The following ANO2 variants were observed in gnomAD, a reference collection of about 807,000 sequenced individuals.
ANO2 encodes anoctamin 2.
Under a neutral mutation model 124.2 loss-of-function variants are expected in ANO2, and 101 were observed. That is an observed-to-expected ratio of 0.81 (90% confidence interval 0.69 to 0.96). The LOEUF is 0.96. ANO2 is among the 40% of genes least tolerant of loss of function. The pLI is 0.00. For missense variants in ANO2, 1,293 were observed against 1,274.5 expected (o/e 1.01, Z -0.22); for synonymous variants, 486 against 482.5 (o/e 1.01, Z -0.09).
chr12:5,752,483 C>G (rs948868858), intron 10 of ANO2, among the ~76,000 whole-genome samples: 1 of 152,136 alleles, frequency 6.6e-6, no homozygotes, highest in Non-Finnish European at 1.5e-5. Context: ...TTCTCCTATA[C>G]CTGTTGGTCA....
chr12:5,659,544 T>C (rs1947340148), intron 14 of ANO2, among the ~76,000 whole-genome samples: 1 of 152,218 alleles, frequency 6.6e-6, no homozygotes. Context: ...AAGGCAGTCA[T>C]GTGGCACAGC....
chr12:5,714,867 C>G (rs1376909032), intron 14 of ANO2, among the ~76,000 whole-genome samples: 1 of 152,136 alleles, frequency 6.6e-6, no homozygotes, highest in Non-Finnish European at 1.5e-5. Flanking sequence ...ATTCCAAATT[C>G]AAAGAGCCCT....
chr12:5,616,239 G>A (rs1944801724), intron 16 of ANO2, among the ~76,000 whole-genome samples: 1 of 152,218 alleles, frequency 6.6e-6, no homozygotes, highest in Non-Finnish European at 1.5e-5. Flanking sequence ...AAATTCTGGA[G>A]GTTTGCAAGT....
chr12:5,915,418 G>A (rs1377417515), intron 3 of ANO2, among the ~76,000 whole-genome samples: 1 of 152,104 alleles, frequency 6.6e-6, no homozygotes, highest in African/African-American at 2.4e-5. Context: ...CCTGTCAAAA[G>A]CATGCCCAGG....
chr12:5,578,555 C>A (rs763537417), intron 20 of ANO2, 37 bp from the exon 21 acceptor site: 25 of 1,595,964 alleles, frequency 1.6e-5, no homozygotes, highest in Non-Finnish European at 2.0e-5. Context: ...TCAGCAGGAA[C>A]AAGCAGGACT....
chr12:5,812,483 A>G (rs1160299639), intron 7 of ANO2, among the ~76,000 whole-genome samples: 1 of 92,098 alleles, frequency 1.1e-5, no homozygotes, highest in African/African-American at 4.3e-5. Flanking sequence ...GGAGGAAGGA[A>G]GGAAGGAAGG....
intron 3 of ANO2, among the ~76,000 whole-genome samples, chr12:5,876,851 T>A (rs1376505296): frequency 6.6e-6 from 1 of 152,112 alleles, no homozygotes; most frequent in Non-Finnish European, 1.5e-5. Context: ...AGGGGAGGGA[T>A]AGCATTAGGA....
chr12:5,915,327 A>G (rs1233902855), intron 3 of ANO2, among the ~76,000 whole-genome samples: 2 of 152,374 alleles, frequency 1.3e-5, no homozygotes, highest in East Asian at 3.9e-4. Context: ...AAATATGAAC[A>G]TGGACAATAT....
At chr12:5,934,129 CT>C (rs1337228096) in intron 1 of ANO2, among the ~76,000 whole-genome samples, 10 of 152,188 alleles carry the variant, frequency 6.6e-5, no homozygotes, top group Admixed American at 5.2e-4. Flanking sequence ...GTTTTAAACA[CT>C]TTACATGTAT....
intron 3 of ANO2, among the ~76,000 whole-genome samples, chr12:5,890,546 C>G (rs531121940): frequency 6.6e-6 from 1 of 152,258 alleles, no homozygotes; most frequent in African/African-American, 2.4e-5. Context: ...CTTGCCAAGC[C>G]CTGTGTTAGG....
intron 4 of ANO2, among the ~76,000 whole-genome samples, chr12:5,847,583 G>A (rs576828031): frequency 1.3e-5 from 2 of 152,184 alleles, no homozygotes; most frequent in East Asian, 1.9e-4. Flanking sequence ...CCCTCAGGCC[G>A]GGCGAGCACC....
At chr12:5,602,725 G>T (rs1349292359) in intron 19 of ANO2, among the ~76,000 whole-genome samples, 1 of 152,110 alleles carries the variant, frequency 6.6e-6, no homozygotes, top group Non-Finnish European at 1.5e-5. Flanking sequence ...ATCGTCATGA[G>T]ATTTCAGAAC....
chr12:5,784,803 G>T (rs1384297588), intron 10 of ANO2, among the ~76,000 whole-genome samples: 1 of 152,170 alleles, frequency 6.6e-6, no homozygotes, highest in Non-Finnish European at 1.5e-5. Context: ...CTGGTCCCTG[G>T]AATCCAAGAA....
At chr12:5,877,137 A>G (rs1335168646) in intron 3 of ANO2, among the ~76,000 whole-genome samples, 1 of 152,178 alleles carries the variant, frequency 6.6e-6, no homozygotes, top group Non-Finnish European at 1.5e-5. Flanking sequence ...GGTTTTGCAG[A>G]TAGAATTTGT....
intron 3 of ANO2, among the ~76,000 whole-genome samples, chr12:5,905,342 T>C (rs906790695): frequency 3.3e-5 from 5 of 152,152 alleles, no homozygotes; most frequent in African/African-American, 1.2e-4. Context: ...ATCTGCAAAA[T>C]AGGGGCAGTG....
At chr12:5,619,894 C>A (rs553864008) in intron 16 of ANO2, among the ~76,000 whole-genome samples, 19 of 152,340 alleles carry the variant, frequency 1.2e-4, no homozygotes, top group Admixed American at 2.6e-4. Flanking sequence ...CCACTTGTAA[C>A]TTTCCTAAGT....
At chr12:5,869,701 G>C (rs1661719786) in intron 3 of ANO2, among the ~76,000 whole-genome samples, 1 of 152,154 alleles carries the variant, frequency 6.6e-6, no homozygotes, top group Non-Finnish European at 1.5e-5. Context: ...CACAAGTAGA[G>C]GGGAAATGAT....
At chr12:5,772,250 T>C (rs1246649266) in intron 10 of ANO2, among the ~76,000 whole-genome samples, 4 of 152,302 alleles carry the variant, frequency 2.6e-5, no homozygotes, top group South Asian at 2.1e-4. Context: ...AAGTATCACA[T>C]GACAGAGAAA....
intron 14 of ANO2, among the ~76,000 whole-genome samples, chr12:5,663,406 C>T (rs1252702837): frequency 1.3e-5 from 2 of 152,202 alleles, no homozygotes; most frequent in Non-Finnish European, 2.9e-5. Context: ...TTCCTCCTTT[C>T]TCACTCTCAC....
Sources: allele counts gnomAD v4.1 joint callset (sites outside exome capture counted in the v4.1 genomes callset), GRCh38; gene constraint gnomAD v4.1.1; transcripts MANE v1.5; gene names NCBI Gene and HGNC (gene_info 2026-07-23, HGNC 2026-07-21).